Variants in VPS13C observed in about 807,000 individuals in gnomAD.
VPS13C encodes vacuolar protein sorting 13 homolog C, also known as intermembrane lipid transfer protein VPS13C.
Under a neutral mutation model 456.8 loss-of-function variants are expected in VPS13C, and 358 were observed. The ratio of observed to expected loss-of-function variants is 0.78; its 90% confidence interval spans 0.72 to 0.86. The LOEUF (loss-of-function observed/expected upper bound fraction) is 0.86. VPS13C is among the 40% of genes least tolerant of loss of function. VPS13C has a pLI of 0.00. For synonymous variants in VPS13C, 1,578 were observed against 1,486.7 expected (o/e 1.06, Z -1.41); for missense variants, 4,818 against 4,385.4 (o/e 1.10, Z -2.79).
intron 37 of VPS13C, among the ~76,000 whole-genome samples, chr15:61,957,424 C>G (rs113202988): frequency 9.2e-5 from 14 of 151,802 alleles, no homozygotes; most frequent in Non-Finnish European, 1.8e-4. Flanking sequence ...AATAGTGCAC[C>G]GAATATTTGT....
chr15:61,861,478 C>A (rs77716404), intron 82 of VPS13C, among the ~76,000 whole-genome samples: 2,827 of 152,176 alleles, frequency 0.019, 112 homozygotes, highest in East Asian at 0.11. Flanking sequence ...TACTATCTGT[C>A]CCTTTAAAGA....
At chr15:61,871,055 TGTC>T (rs1346209639) in intron 79 of VPS13C, among the ~76,000 whole-genome samples, 2 of 152,202 alleles carry the variant, frequency 1.3e-5, no homozygotes, top group East Asian at 1.9e-4. Context: ...TTCTGTGGGC[TGTC>T]TTTTCCCTGT....
chr15:61,968,792 A>G (rs545271954), intron 28 of VPS13C, among the ~76,000 whole-genome samples: 1 of 152,282 alleles, frequency 6.6e-6, no homozygotes, highest in South Asian at 2.1e-4. Flanking sequence ...TGGTATATGA[A>G]TACTATTTAA....
At chr15:62,008,325 G>A (rs1437908045) in intron 14 of VPS13C, among the ~76,000 whole-genome samples, 1 of 151,974 alleles carries the variant, frequency 6.6e-6, no homozygotes, top group East Asian at 1.9e-4. Flanking sequence ...GCTTGAACCA[G>A]GGAGGCACAA....
chr15:61,961,975 T>C, intron 34 of VPS13C, 82 bp from the exon 35 acceptor site: 2 of 1,441,778 alleles, frequency 1.4e-6, no homozygotes, highest in Non-Finnish European at 1.8e-6. Flanking sequence ...TTCATACATG[T>C]GGTAACTTTT....
At chr15:61,864,367 A>T in intron 81 of VPS13C, 1 of 896,524 alleles carries the variant, frequency 1.1e-6, no homozygotes, top group Non-Finnish European at 1.3e-6. Flanking sequence ...CTGTGACTTG[A>T]ATTAGTCAAA....
intron 74 of VPS13C, among the ~76,000 whole-genome samples, 187 bp downstream of exon 74, chr15:61,878,420 A>AT (rs1895614337): frequency 6.6e-6 from 1 of 152,020 alleles, no homozygotes; most frequent in Admixed American, 6.6e-5. Flanking sequence ...ACAAGACTCT[A>AT]CACCTTATCA....
rs971813195 is a variant in VPS13C, at chr15:61,854,245, G to A, written c.*212C>T. On this transcript the variant is annotated 3_prime_UTR_variant, in exon 85 of 85. Coordinates refer to ENST00000644861, the MANE Select transcript of VPS13C (RefSeq NM_020821.3). ...CAAGGGTCTGACCCATTTGGGTGGT[G>A]GCGTAGAAGTGGACTGCTAGCATAT... is the stretch of plus-strand genomic sequence containing the variant. 3.4e-6 allele frequency: 2 copies of A among 581,550 alleles called. No individual in the cohort carries two copies. The highest frequency in any genetic ancestry group is 3.1e-6 in the Non-Finnish European group (1 of 326,666). The allele number at this position is 581,550 out of a possible 1,614,324, so 36.0% of individuals were successfully genotyped here. A position where few individuals can be genotyped will look rare whatever the true frequency, so the allele number is the denominator to read the frequency against.
intron 81 of VPS13C, chr15:61,868,065 G>GT (rs1566956723): frequency 1.4e-6 from 1 of 721,548 alleles, no homozygotes; most frequent in Non-Finnish European, 2.3e-6. Context: ...TTATTTTAAA[G>GT]TCAAGGTAGA....
Position 61,946,369 on chromosome 15 carries a change from C to T in VPS13C, c.4918G>A (p.Val1640Met), listed in dbSNP as rs2044605463. The change falls in exon 44 of 85, where the codon GTG becomes ATG. Residue 1640 changes from valine to methionine, a missense_variant. Physicochemically the swap from Val to Met is conservative, Grantham distance 21 (BLOSUM62 1). Transcript: ENST00000644861. The stretch of plus-strand genomic sequence containing the variant: ...ATAATATCTTTAAGTCTGGCAAACA[C>T]ATCAGTCTGCTTAGGCTTCACAGAA... ...SISVKPKQTDVFARLKDIIVM... is the reference protein window; with the variant it reads ...SISVKPKQTDMFARLKDIIVM... 3.7e-6 allele frequency: 6 copies of T among 1,608,820 alleles called. No individual in the cohort carries two copies. Among genetic ancestry groups the T allele is most frequent in the Non-Finnish European group, 5.1e-6 (6 of 1,177,750 alleles).
chr15:62,000,275 G>T (rs772170972), intron 16 of VPS13C, among the ~76,000 whole-genome samples: 8 of 152,100 alleles, frequency 5.3e-5, no homozygotes, highest in Non-Finnish European at 8.8e-5. Context: ...TGAGGTAGGA[G>T]AATCACTTGC....
chr15:61,877,795 T>C (rs1265852452), intron 74 of VPS13C, among the ~76,000 whole-genome samples: 1 of 151,968 alleles, frequency 6.6e-6, no homozygotes, highest in Non-Finnish European at 1.5e-5. Context: ...ATAATTTGCT[T>C]TAATTTGCAT....
At chr15:61,860,148 T>G (rs1356385645) in intron 82 of VPS13C, among the ~76,000 whole-genome samples, 1 of 152,082 alleles carries the variant, frequency 6.6e-6, no homozygotes, top group East Asian at 1.9e-4. Flanking sequence ...AGAAAAAGAC[T>G]AACATACCAA....
intron 66 of VPS13C, among the ~76,000 whole-genome samples, chr15:61,904,920 G>A (rs911376713): frequency 1.1e-4 from 17 of 151,330 alleles, no homozygotes; most frequent in African/African-American, 4.1e-4. Flanking sequence ...ATATGTGGGA[G>A]CTAAAAAAAA....
At position 61,892,243 on chromosome 15, in the gene VPS13C, C is replaced by A. The variant is rs185710689; in HGVS notation, c.9106-1843G>T. On this transcript the variant is annotated intron_variant, in intron 66 of 84. Coordinates refer to ENST00000644861, the MANE Select transcript of VPS13C (RefSeq NM_020821.3). ...TGCTCTTTATTTCAGCCAAAGGAAA[C>A]GCCTATTCAGAGTGGCTGTTCAGCA... Among the ~76,000 whole-genome samples, 7 of 152,272 alleles carry A rather than the reference C, an allele frequency of 4.6e-5. No homozygotes were observed. In the East Asian group the frequency reaches 1.2e-3, roughly 25 times the overall value.
In VPS13C at chr15:61,945,863, T is replaced by C; in HGVS notation, c.5000A>G (p.Asp1667Gly). ...AGTCAGTTGGAACCTAAAGACTTCA[T>C]CTCCCAAAATAGAGACAGCCTAAAA... ...IHKKAVSILGDEVFRFQLTLY... is the reference protein window; with the variant it reads ...IHKKAVSILGGEVFRFQLTLY... Residue 1667 changes from aspartate (D) to glycine (G), a missense_variant, in exon 45 of 85, where the codon GAT becomes GGT. Physicochemically the swap from Asp to Gly is moderately conservative, Grantham distance 94. Coordinates refer to ENST00000644861, the MANE Select transcript of VPS13C (RefSeq NM_020821.3). 1 of 1,609,214 alleles carries C rather than the reference T, an allele frequency of 6.2e-7. No homozygotes were observed.
At chr15:61,869,124 T>C (rs149909442) in intron 80 of VPS13C, among the ~76,000 whole-genome samples, 45,496 of 145,246 alleles carry the variant, frequency 0.31, 7,960 homozygotes, top group Non-Finnish European at 0.39. Flanking sequence ...TTCTTTTTTT[T>C]TTTTTTTTTT....
At chr15:62,050,673 G>A (rs1485224024) in intron 1 of VPS13C, among the ~76,000 whole-genome samples, 1 of 151,978 alleles carries the variant, frequency 6.6e-6, no homozygotes, top group Non-Finnish European at 1.5e-5. Flanking sequence ...ATGGTGGCAG[G>A]TGCCTGTCAT....
At chr15:61,954,073 G>C (rs1011202332) in intron 38 of VPS13C, among the ~76,000 whole-genome samples, 1 of 152,006 alleles carries the variant, frequency 6.6e-6, no homozygotes, top group Non-Finnish European at 1.5e-5. Context: ...TTAAAATGCA[G>C]GCATATTGTG....
Sources: allele counts gnomAD v4.1 joint callset (sites outside exome capture counted in the v4.1 genomes callset), GRCh38; gene constraint gnomAD v4.1.1; transcripts MANE v1.5; gene names NCBI Gene and HGNC (gene_info 2026-07-23, HGNC 2026-07-21).